Variants in MCFD2 observed in about 807,000 individuals in gnomAD.
MCFD2 encodes multiple coagulation factor deficiency protein 2.
In MCFD2, 11 loss-of-function variants were observed where a neutral mutation model predicts 12.8. The observed-to-expected ratio is 0.86, with a 90% confidence interval of 0.54 to 1.42. The LOEUF (loss-of-function observed/expected upper bound fraction) is 1.42, where lower values mean the gene tolerates loss of function less well. Among genes scored for constraint, MCFD2 ranks in the 40% most tolerant of loss-of-function variants. MCFD2 has a pLI of 0.00. For missense variants in MCFD2, 191 were observed against 178.6 expected, an observed-to-expected ratio of 1.07 and a Z score of -0.40; for synonymous variants, 70 against 68.1, an observed-to-expected ratio of 1.03 and a Z score of -0.14.
In MCFD2 at chr2:46,930,803, A is replaced by G. The variant is rs182476099; in HGVS notation, c.-8+10769T>C. ...GCGTGAGCCACCGCACCCAGCCTGA[A>G]GTCCTATAATTTTTAAAGAAATCCA... is the stretch of plus-strand genomic sequence containing the variant. On this transcript the variant is annotated intron_variant, in intron 1 of 2. Coordinates refer to the MCFD2 transcript ENST00000409147. Among the ~76,000 whole-genome samples, 22 of 152,294 alleles carry G rather than the reference A, an allele frequency of 1.4e-4. No homozygotes were observed. The East Asian group carries it at 3.7e-3, about 25-fold the overall frequency.
At chr2:46,927,505 C>T (rs951971103) in intron 1 of MCFD2, among the ~76,000 whole-genome samples, 4 of 151,764 alleles carry the variant, frequency 2.6e-5, no homozygotes, top group Non-Finnish European at 4.4e-5. Flanking sequence ...TACAGGCATC[C>T]GCCACCACGC....
At chr2:46,920,729 T>G (rs1317546556), upstream of MCFD2, among the ~76,000 whole-genome samples, 2 of 152,056 alleles carry the variant, frequency 1.3e-5, no homozygotes, top group Non-Finnish European at 2.9e-5. Flanking sequence ...TTTCCTGAAC[T>G]TGCCTATCTA....
At chr2:46,906,695 C>T (rs953629888) in intron 3 of MCFD2, among the ~76,000 whole-genome samples, 10 of 151,828 alleles carry the variant, frequency 6.6e-5, no homozygotes, top group Non-Finnish European at 1.0e-4. Context: ...ACCATGCTGC[C>T]CAGGTTGGTC....
At chr2:46,932,220 G>C (rs1669743708) in intron 1 of MCFD2, among the ~76,000 whole-genome samples, 1 of 151,834 alleles carries the variant, frequency 6.6e-6, no homozygotes, top group Non-Finnish European at 1.5e-5. Context: ...CGGGGTCTTG[G>C]CTCACTGCAA....
upstream of MCFD2, among the ~76,000 whole-genome samples, chr2:46,920,582 C>T (rs1669051495): frequency 6.6e-6 from 1 of 151,830 alleles, no homozygotes; most frequent in Non-Finnish European, 1.5e-5. Flanking sequence ...CTGCCTGCCT[C>T]AGCCTCCCAA....
intron 1 of MCFD2, among the ~76,000 whole-genome samples, chr2:46,935,840 A>G (rs1669949160): frequency 6.6e-6 from 1 of 152,054 alleles, no homozygotes; most frequent in Admixed American, 6.6e-5. Flanking sequence ...CTATAATCCT[A>G]GAGACTAGGG....
Position 46,941,442 on chromosome 2 carries a change from C to G in MCFD2, c.-8+130G>C, listed in dbSNP as rs1670364926. On this transcript the variant is annotated intron_variant, in intron 1 of 2. Transcript: ENST00000409147. The surrounding 1 kb of genome is among the most constrained non-coding windows in gnomAD (Gnocchi z 4.2). ...CCCGGGCCCCGGCTGCCGTCTGCGC[C>G]CCCGTCGACCCCGCCCGCGAGTGCG... is the stretch of plus-strand genomic sequence containing the variant. The G allele has an allele frequency of 2.3e-6, 3 of 1,298,592 alleles. No individual in the cohort carries two copies. Among genetic ancestry groups the G allele is most frequent in the Non-Finnish European group, 3.0e-6 (3 of 1,006,820 alleles). The allele number at this position is 1,298,592 out of a possible 1,614,324, so 80.4% of individuals were successfully genotyped here.
At chr2:46,914,398 C>T (rs1473187639) in intron 1 of MCFD2, among the ~76,000 whole-genome samples, 2 of 152,204 alleles carry the variant, frequency 1.3e-5, no homozygotes, top group Non-Finnish European at 2.9e-5. Context: ...GAAAAACTGA[C>T]CAGTACTTTG....
chr2:46,927,005 A>G (rs1669418433), intron 1 of MCFD2, among the ~76,000 whole-genome samples: 1 of 152,236 alleles, frequency 6.6e-6, no homozygotes, highest in African/African-American at 2.4e-5. Context: ...AGACACACGA[A>G]AAGAGAGAAT....
At position 46,907,526 on chromosome 2, in the gene MCFD2, G is replaced by A. The variant is rs981195902; in HGVS notation, c.309+284C>T. On this transcript the variant is annotated intron_variant, in intron 3 of 3. Transcript: ENST00000319466. This position sits in a 1 kb window ranked among gnomAD's most constrained non-coding sequence, Gnocchi z 4.1. ...TAGCCTCCTGAGTACGTAGAACTAC[G>A]GGCATGCACTACCAGGCCTGGCTAA... is the stretch of plus-strand genomic sequence containing the variant. The A allele has an allele frequency of 1.9e-5, 8 of 415,182 alleles. No homozygotes were observed. Among genetic ancestry groups the A allele is most frequent in the Admixed American group, 7.1e-5 (2 of 28,230 alleles). 25.7% of individuals were successfully genotyped at this position (415,182 alleles called of 1,614,324 possible). A position where few individuals can be genotyped will look rare whatever the true frequency, so the allele number is the denominator to read the frequency against.
In MCFD2 at chr2:46,937,075, C is replaced by T. The variant is rs1341267462; in HGVS notation, c.-8+4497G>A. ...TTTGCCATATTGCCCAGGCTCGTCTCGAACTCCTGAGCTCAAGTGATCTGC... is the reference window on the plus strand; with the variant it reads ...TTTGCCATATTGCCCAGGCTCGTCTTGAACTCCTGAGCTCAAGTGATCTGC... On this transcript the variant is annotated intron_variant, in intron 1 of 2. Transcript: ENST00000409147. The surrounding 1 kb of genome is among the most constrained non-coding windows in gnomAD (Gnocchi z 4.0). 1.3e-5 allele frequency among the ~76,000 whole-genome samples: 2 copies of T among 152,014 alleles called. No individual in the cohort carries two copies. Among genetic ancestry groups the T allele is most frequent in the African/African-American group, 2.4e-5 (1 of 41,378 alleles).
At position 46,940,964 on chromosome 2, in the gene MCFD2, G is replaced by C. The variant is rs1246164251; in HGVS notation, c.-8+608C>G. Among the ~76,000 whole-genome samples, 1 of 152,148 alleles carries C rather than the reference G, an allele frequency of 6.6e-6. No homozygotes were observed. Among genetic ancestry groups the C allele is most frequent in the Non-Finnish European group, 1.5e-5 (1 of 68,024 alleles). Reference sequence around the variant, plus strand: ...CCCAGGCTAAGAGCCCCGATGGGATGGGGAGGGGGCGGGAAGCGAGGCGCC... The same window carrying C: ...CCCAGGCTAAGAGCCCCGATGGGATCGGGAGGGGGCGGGAAGCGAGGCGCC... On this transcript the variant is annotated intron_variant, in intron 1 of 2. Coordinates refer to the MCFD2 transcript ENST00000409147. This position sits in a 1 kb window ranked among gnomAD's most constrained non-coding sequence, Gnocchi z 4.7.
Position 46,908,257 on chromosome 2 carries a change from T to C in MCFD2, c.150-288A>G. 2.2e-6 allele frequency: 1 copy of C among 447,692 alleles called. No individual in the cohort carries two copies. Among genetic ancestry groups the C allele is most frequent in the Non-Finnish European group, 4.1e-6 (1 of 245,396 alleles). The allele number at this position is 447,692 out of a possible 1,614,324, so 27.7% of individuals were successfully genotyped here. A position where few individuals can be genotyped will look rare whatever the true frequency, so the allele number is the denominator to read the frequency against. ...AGGCCATCAATTTAAAAATATGTCCTTTAAAACTTTTTTTTTTTTTTGAGA... is the reference window on the plus strand; with the variant it reads ...AGGCCATCAATTTAAAAATATGTCCCTTAAAACTTTTTTTTTTTTTTGAGA... On this transcript the variant is annotated intron_variant, in intron 2 of 3. Coordinates refer to ENST00000319466, the MANE Select transcript of MCFD2 (RefSeq NM_139279.6). The surrounding 1 kb of genome is among the most constrained non-coding windows in gnomAD (Gnocchi z 4.5).
At chr2:46,915,830 C>A (rs1489950753), upstream of MCFD2, 1 of 627,090 alleles carries the variant, frequency 1.6e-6, no homozygotes, top group Non-Finnish European at 2.0e-6. Context: ...CCCCCCCCGA[C>A]CTGCCCTGCG....
At position 46,908,653 on chromosome 2, in the gene MCFD2, G is replaced by T; in HGVS notation, c.149+370C>A. 1 of 333,820 alleles carries T rather than the reference G, an allele frequency of 3.0e-6. No individual in the cohort carries two copies. Among genetic ancestry groups the T allele is most frequent in the Non-Finnish European group, 5.8e-6 (1 of 173,800 alleles). 20.7% of individuals were successfully genotyped at this position (333,820 alleles called of 1,614,324 possible). On this transcript the variant is annotated intron_variant, in intron 2 of 3. Transcript: ENST00000319466. The surrounding 1 kb of genome is among the most constrained non-coding windows in gnomAD (Gnocchi z 4.5). Reference sequence around the variant, plus strand: ...AAATGATTCAATGTTTGAATGTGTTGATTTAAAAAAGGTCTTGTTATAGTC... The same window carrying T: ...AAATGATTCAATGTTTGAATGTGTTTATTTAAAAAAGGTCTTGTTATAGTC...
chr2:46,941,601 C>G lies in MCFD2; in HGVS notation c.-37G>C. 1 of 1,556,974 alleles carries G rather than the reference C, an allele frequency of 6.4e-7. No homozygotes were observed. Among genetic ancestry groups the G allele is most frequent in the South Asian group, 1.2e-5 (1 of 84,432 alleles). ...AGGTGGAGAGCGAGCTGGAGCGCTG[C>G]CGCGCCGAGGGCCACTGGGACCGCA... On this transcript the variant is annotated 5_prime_UTR_variant, in exon 1 of 3. Coordinates refer to the MCFD2 transcript ENST00000409147. The surrounding 1 kb of genome is among the most constrained non-coding windows in gnomAD (Gnocchi z 4.2).
chr2:46,931,772 A>T (rs1302789686), intron 1 of MCFD2, among the ~76,000 whole-genome samples: 1 of 152,176 alleles, frequency 6.6e-6, no homozygotes, highest in East Asian at 1.9e-4. Flanking sequence ...TTGAGAAGAA[A>T]TGCAGCTCTG....
Position 46,920,883 on chromosome 2 carries a change from C to T in MCFD2, c.-7-12914G>A, listed in dbSNP as rs541410785. Among the ~76,000 whole-genome samples, 14 of 151,284 alleles carry T rather than the reference C, an allele frequency of 9.3e-5. No individual in the cohort carries two copies. The South Asian group carries it at 1.7e-3, about 18-fold the overall frequency. On this transcript the variant is annotated intron_variant, in intron 1 of 2. Coordinates refer to the MCFD2 transcript ENST00000409147. ...ACAAAACTTCAGAGTTATTTTCCTT[C>T]GGTACTTAAAGAAATAAATATATGA...
intron 1 of MCFD2, among the ~76,000 whole-genome samples, chr2:46,939,837 G>A (rs749925603): frequency 6.6e-6 from 1 of 152,184 alleles, no homozygotes; most frequent in Non-Finnish European, 1.5e-5. Flanking sequence ...GAGTTGACTG[G>A]AGTAAGCCAG....
Sources: allele counts gnomAD v4.1 joint callset (sites outside exome capture counted in the v4.1 genomes callset), GRCh38; gene constraint gnomAD v4.1.1; non-coding constraint Gnocchi (gnomAD v3.1); transcripts MANE v1.5; gene names NCBI Gene and HGNC (gene_info 2026-07-23, HGNC 2026-07-21).